The following JMY variants were observed in gnomAD, a reference collection of about 807,000 sequenced individuals.
JMY encodes the protein junction-mediating and -regulatory protein.
Under a neutral mutation model 103.3 loss-of-function variants are expected in JMY, and 46 were observed. The observed-to-expected ratio is 0.45, with a 90% CI of 0.35 to 0.57. The LOEUF is 0.57. Among genes scored for constraint, JMY ranks in the 20% least tolerant of loss-of-function variants. The pLI is 0.00. For synonymous variants in JMY, 526 were observed against 489.3 expected, an observed-to-expected ratio of 1.07 and a Z score of -0.99; for missense variants, 1,238 against 1,255.2, an observed-to-expected ratio of 0.99 and a Z score of 0.21.
chr5:79,260,889 A>G (rs1333098875), intron 1 of JMY, among the ~76,000 whole-genome samples: 2 of 152,170 alleles, frequency 1.3e-5, no homozygotes, highest in Non-Finnish European at 2.9e-5. Flanking sequence ...AACAGACCAA[A>G]TGGACCTAAA....
chr5:79,283,175 T>A (rs941429295), intron 2 of JMY, among the ~76,000 whole-genome samples: 1 of 151,856 alleles, frequency 6.6e-6, no homozygotes, highest in Non-Finnish European at 1.5e-5. Context: ...TATTTTTTAG[T>A]AGAGGGGGGT....
In JMY at chr5:79,314,801, G is replaced by T. The variant is rs1437862924; in HGVS notation, c.2609G>T (p.Ser870Ile). 1.9e-6 allele frequency: 3 copies of T among 1,603,110 alleles called. No homozygotes were observed. The Admixed American group carries it at 5.2e-5, about 28-fold the overall frequency. ...AHLFDSSQLV[S>I]ARKKLRKTAE... ...CTCTTTGACAGCAGCCAGCTGGTCA[G>T]TGCACGGAAGAAGCTCAGAAAGACT... Residue 870 changes from serine (S) to isoleucine (I), a missense_variant, in exon 9 of 11, where the codon AGT becomes ATT. By Grantham distance (142) the Ser-to-Ile change is moderately radical. Coordinates refer to ENST00000396137, the MANE Select transcript of JMY (RefSeq NM_152405.5).
chr5:79,254,773 T>G (rs1327876655), intron 1 of JMY, among the ~76,000 whole-genome samples: 3 of 152,100 alleles, frequency 2.0e-5, no homozygotes, highest in African/African-American at 7.2e-5. Flanking sequence ...GGCCAATAAC[T>G]CTTAGATTTG....
In JMY at chr5:79,325,377, T is replaced by G. The variant is rs1448222897; in HGVS notation, c.*3775T>G. 6.6e-6 allele frequency: 1 copy of G among 152,152 alleles called. No homozygotes were observed. The highest frequency in any genetic ancestry group is 1.5e-5 in the Non-Finnish European group (1 of 68,000). The allele number at this position is 152,152 out of a possible 1,614,324, so 9.4% of individuals were successfully genotyped here. A position where few individuals can be genotyped will look rare whatever the true frequency, so the allele number is the denominator to read the frequency against. ...GTTACTTGTAAAAAATGAACAGCTG[T>G]AAGACATTTCAAAACCATTGCAGAC... On this transcript the variant is annotated 3_prime_UTR_variant, in exon 11 of 11. Coordinates refer to ENST00000396137, the MANE Select transcript of JMY (RefSeq NM_152405.5).
intron 1 of JMY, among the ~76,000 whole-genome samples, chr5:79,243,002 G>C (rs1744786247): frequency 6.6e-6 from 1 of 152,122 alleles, no homozygotes. Flanking sequence ...GCATGAGGTA[G>C]GGCAGTCTGA....
intron 1 of JMY, among the ~76,000 whole-genome samples, chr5:79,269,732 A>T (rs1426137867): frequency 6.6e-6 from 1 of 151,280 alleles, no homozygotes; most frequent in Non-Finnish European, 1.5e-5. Flanking sequence ...TTTATTTTTT[A>T]TTTATTTTTT....
intron 1 of JMY, among the ~76,000 whole-genome samples, chr5:79,270,504 T>TA (rs1561297774): frequency 1.1e-5 from 1 of 90,362 alleles, no homozygotes; most frequent in Non-Finnish European, 2.4e-5. Flanking sequence ...AAATATATAT[T>TA]TACATAAATA....
chr5:79,291,598 A>G (rs919568076), intron 4 of JMY, among the ~76,000 whole-genome samples: 6 of 152,220 alleles, frequency 3.9e-5, no homozygotes, highest in Non-Finnish European at 8.8e-5. Flanking sequence ...CTTTCCAGCA[A>G]TTATTAAGAA....
At chr5:79,274,779 T>C (rs1393400962) in intron 1 of JMY, among the ~76,000 whole-genome samples, 3 of 152,200 alleles carry the variant, frequency 2.0e-5, no homozygotes, top group Non-Finnish European at 2.9e-5. Flanking sequence ...GATTATATAA[T>C]AGACATTGTG....
Position 79,323,424 on chromosome 5 carries a change from G to A in JMY, c.*1822G>A, listed in dbSNP as rs1199306934. 1 of 152,168 alleles carries A rather than the reference G, an allele frequency of 6.6e-6. No individual in the cohort carries two copies. Among genetic ancestry groups the A allele is most frequent in the Non-Finnish European group, 1.5e-5 (1 of 68,026 alleles). The allele number at this position is 152,168 out of a possible 1,614,324, so 9.4% of individuals were successfully genotyped here. On this transcript the variant is annotated 3_prime_UTR_variant, in exon 11 of 11. Coordinates refer to ENST00000396137, the MANE Select transcript of JMY (RefSeq NM_152405.5). ...ATGGAAGCTTCAACAGCATGGGGGT[G>A]GTGATAGTGTCCTATTTGCCCTTGG... is the stretch of plus-strand genomic sequence containing the variant.
chr5:79,310,677 G>A (rs1747019743), intron 7 of JMY, among the ~76,000 whole-genome samples: 1 of 152,098 alleles, frequency 6.6e-6, no homozygotes, highest in African/African-American at 2.4e-5. Context: ...GCAAGACTAA[G>A]GAAGTTTATT....
At position 79,258,308 on chromosome 5, in the gene JMY, TTTG is replaced by T. The variant is rs201337044; in HGVS notation, c.1033-19596_1033-19594del. Among the ~76,000 whole-genome samples the T allele has an allele frequency of 7.1e-3, 645 of 91,006 alleles. 19 individuals are homozygous for T. The highest frequency in any genetic ancestry group is 0.018 in the African/African-American group (595 of 33,734). 59.7% of individuals were successfully genotyped at this position (91,006 alleles called of 152,430 possible). A position where few individuals can be genotyped will look rare whatever the true frequency, so the allele number is the denominator to read the frequency against. On this transcript the variant is annotated intron_variant, in intron 1 of 10. Transcript: ENST00000396137. ...TTCAGATATTAGGGCTTTTTTTGTTTTTGTTGTTTTTTTTTTTTTTTTGACAGG... is the reference window on the plus strand; with the variant it reads ...TTCAGATATTAGGGCTTTTTTTGTTTTTGTTTTTTTTTTTTTTTTGACAGG...
chr5:79,263,295 A>G (rs973178968), intron 1 of JMY, among the ~76,000 whole-genome samples: 33 of 152,234 alleles, frequency 2.2e-4, no homozygotes, highest in African/African-American at 8.0e-4. Flanking sequence ...CACAAAATAT[A>G]TTTGAAGAGT....
chr5:79,240,403 C>T (rs902213005), intron 1 of JMY, among the ~76,000 whole-genome samples: 5 of 152,022 alleles, frequency 3.3e-5, no homozygotes, highest in Admixed American at 3.3e-4. Flanking sequence ...CTCCACCTCC[C>T]GGGTTCAAGC....
chr5:79,295,961 T>C (rs1580361619), intron 4 of JMY, among the ~76,000 whole-genome samples: 1 of 152,242 alleles, frequency 6.6e-6, no homozygotes, highest in African/African-American at 2.4e-5. Flanking sequence ...TAAAATGTTT[T>C]AGTCCCTGTC....
At chr5:79,270,614 G>GTATATTTACATAAATA (rs1561297988) in intron 1 of JMY, among the ~76,000 whole-genome samples, 1 of 51,402 alleles carries the variant, frequency 1.9e-5, no homozygotes, top group Non-Finnish European at 4.1e-5. Flanking sequence ...TTACATAAAT[G>GTATATTTACATAAATA]TTTATATAAA....
At chr5:79,284,016 A>G in intron 2 of JMY, 1 of 647,022 alleles carries the variant, frequency 1.5e-6, no homozygotes. Context: ...TTTGAAGGTA[A>G]AGATATTAAT....
intron 2 of JMY, among the ~76,000 whole-genome samples, chr5:79,283,281 A>T (rs1746175907): frequency 6.6e-6 from 1 of 151,990 alleles, no homozygotes; most frequent in Non-Finnish European, 1.5e-5. Flanking sequence ...GAGCCACTGC[A>T]CCCAGCCGTC....
chr5:79,287,557 G>A (rs900376051), intron 2 of JMY, among the ~76,000 whole-genome samples: 50 of 152,126 alleles, frequency 3.3e-4, no homozygotes, highest in African/African-American at 1.1e-3. Flanking sequence ...GAGGCAGGAG[G>A]ACACTTGAGG....
Sources: allele counts gnomAD v4.1 joint callset (sites outside exome capture counted in the v4.1 genomes callset), GRCh38; gene constraint gnomAD v4.1.1; transcripts MANE v1.5; gene names NCBI Gene and HGNC (gene_info 2026-07-23, HGNC 2026-07-21).